The following OTULINL variants were observed in gnomAD, a reference collection of about 807,000 sequenced individuals.
OTULINL encodes OTU deubiquitinase with linear linkage specificity like.
In OTULINL, 42 loss-of-function variants were observed where a neutral mutation model predicts 43.9. The observed-to-expected ratio is 0.96, with a 90% CI of 0.75 to 1.24. The LOEUF is 1.24. OTULINL is among the 50% of genes most tolerant of loss of function. OTULINL has a pLI of 0.00. For missense variants in OTULINL, 411 were observed against 426.4 expected (o/e 0.96, Z 0.32); for synonymous variants, 172 against 153.6 (o/e 1.12, Z -0.88).
intron 1 of OTULINL, among the ~76,000 whole-genome samples, chr5:14,588,559 A>G (rs1241347790): frequency 6.6e-6 from 1 of 152,242 alleles, no homozygotes; most frequent in East Asian, 1.9e-4. Flanking sequence ...AGAGGCTCTT[A>G]GTTAGCATAA....
rs1040320521 is a variant in OTULINL at position 14,614,608 on chromosome 5, C to G, written c.*4294C>G. The G allele has an allele frequency of 7.5e-6, 3 of 398,494 alleles. No individual in the cohort carries two copies. Among genetic ancestry groups the G allele is most frequent in the African/African-American group, 2.1e-5 (1 of 48,624 alleles). The allele number at this position is 398,494 out of a possible 1,614,324, so 24.7% of individuals were successfully genotyped here. A position where few individuals can be genotyped will look rare whatever the true frequency, so the allele number is the denominator to read the frequency against. ...GTTTATAAGTGGACAGAAAAACACT[C>G]ACTCACGTATTCAGCCACGTATGGT... On this transcript the variant is annotated 3_prime_UTR_variant, in exon 8 of 8. Transcript: ENST00000274217.
intron 4 of OTULINL, among the ~76,000 whole-genome samples, chr5:14,601,821 G>T (rs1375917388): frequency 1.3e-5 from 2 of 152,194 alleles, no homozygotes; most frequent in African/African-American, 4.8e-5. Flanking sequence ...ACCAATCTTG[G>T]TAAATATCCC....
Position 14,609,001 on chromosome 5 carries a change from C to G in OTULINL, c.881C>G (p.Thr294Arg), listed in dbSNP as rs750090519. Reference protein sequence around the residue: ...MMNHLNSVGDTCGLEQIDMFI... With the variant: ...MMNHLNSVGDRCGLEQIDMFI... ...AATCACCTGAATTCTGTAGGCGACA[C>G]ATGTGGACTAGAGCAGGTAACCGGG... The change falls in exon 7 of 8, where the codon ACA (threonine) becomes AGA (arginine). Residue 294 changes from threonine (T) to arginine (R), a missense_variant. Physicochemically the swap from Thr to Arg is moderately conservative, Grantham distance 71 (BLOSUM62 -1). Transcript: ENST00000274217. 6.2e-7 allele frequency: 1 copy of G among 1,612,418 alleles called. No homozygotes were observed. Among genetic ancestry groups the G allele is most frequent in the Non-Finnish European group, 8.5e-7 (1 of 1,179,038 alleles).
rs973347312 is a variant in OTULINL, at chr5:14,606,964, C to T, written c.499-366C>T. Among the ~76,000 whole-genome samples the T allele has an allele frequency of 4.6e-5, 7 of 152,304 alleles. No homozygotes were observed. The East Asian group carries it at 1.4e-3, about 29-fold the overall frequency. On this transcript the variant is annotated intron_variant, in intron 5 of 7. Transcript: ENST00000274217. ...TAAGTTTGGGCCGGGTGCTGTGGCTCACACCTGTAATTCCAGCACTTTGGG... is the reference window on the plus strand; with the variant it reads ...TAAGTTTGGGCCGGGTGCTGTGGCTTACACCTGTAATTCCAGCACTTTGGG...
chr5:14,582,857 C>T (rs1204058812), intron 1 of OTULINL, among the ~76,000 whole-genome samples: 1 of 150,260 alleles, frequency 6.7e-6, no homozygotes, highest in Non-Finnish European at 1.5e-5. Context: ...ACAAGGGCAG[C>T]AGCACAGCCT....
chr5:14,610,202 A>G lies in OTULINL; in HGVS notation c.959A>G (p.Lys320Arg). The G allele has an allele frequency of 1.9e-6, 3 of 1,614,116 alleles. No individual in the cohort carries two copies. Among genetic ancestry groups the G allele is most frequent in the Non-Finnish European group, 2.5e-6 (3 of 1,179,956 alleles). ...EVKIKVFRLF[K>R]FNSRDFEVCY... ...AAGATAAAAGTGTTCAGACTGTTCA[A>G]GTTTAACTCCAGAGACTTTGAAGTC... The change falls in exon 8 of 8, where the codon AAG becomes AGG. Residue 320 changes from lysine (K) to arginine (R), a missense_variant. Transcript: ENST00000274217.
rs561369313 is a variant in OTULINL at position 14,588,299 on chromosome 5, T to C, written c.64+6341T>C. 6.6e-5 allele frequency among the ~76,000 whole-genome samples: 10 copies of C among 152,242 alleles called. No individual in the cohort carries two copies. The East Asian group carries it at 1.9e-3, about 29-fold the overall frequency. On this transcript the variant is annotated intron_variant, in intron 1 of 7. Transcript: ENST00000274217. Reference sequence around the variant, plus strand: ...GGGAAATGGCAGTTAATGGCCTGGCTTCCTTATGTTTGCTCACAGGGGAGG... The same window carrying C: ...GGGAAATGGCAGTTAATGGCCTGGCCTCCTTATGTTTGCTCACAGGGGAGG...
In OTULINL at chr5:14,615,243, C is replaced by A. The variant is rs561608536; in HGVS notation, c.*4929C>A. Among the ~76,000 whole-genome samples the A allele has an allele frequency of 6.7e-4, 102 of 152,350 alleles. No individual in the cohort carries two copies. The highest frequency in any genetic ancestry group is 2.3e-3 in the African/African-American group (94 of 41,588). On this transcript the variant is annotated 3_prime_UTR_variant, in exon 8 of 8. Coordinates refer to ENST00000274217, the MANE Select transcript of OTULINL (RefSeq NM_019018.3). Reference sequence around the variant, plus strand: ...CTGGGCCAAACACAAATGGCTGAGACACTCCTGGCCCATTTCTTGTCATCG... The same window carrying A: ...CTGGGCCAAACACAAATGGCTGAGAAACTCCTGGCCCATTTCTTGTCATCG...
At chr5:14,606,791 G>A (rs1007198327) in intron 5 of OTULINL, among the ~76,000 whole-genome samples, 2 of 152,302 alleles carry the variant, frequency 1.3e-5, no homozygotes, top group Non-Finnish European at 2.9e-5. Flanking sequence ...TAACAAAAAA[G>A]ATTGTTTCTA....
Position 14,581,879 on chromosome 5 carries a change from C to G in OTULINL, c.-16C>G. On this transcript the variant is annotated 5_prime_UTR_variant, in exon 1 of 8. Transcript: ENST00000274217. ...CCACGGGCCGAGGCCCAGCGCCCGT[C>G]CGCAGCGCGGCCGGCATGGCGGCGA... 1 of 1,408,506 alleles carries G rather than the reference C, an allele frequency of 7.1e-7. No homozygotes were observed. Among genetic ancestry groups the G allele is most frequent in the Non-Finnish European group, 9.2e-7 (1 of 1,081,476 alleles). The allele number at this position is 1,408,506 out of a possible 1,614,324, so 87.3% of individuals were successfully genotyped here.
At chr5:14,583,331 T>G (rs899420859) in intron 1 of OTULINL, among the ~76,000 whole-genome samples, 1 of 152,188 alleles carries the variant, frequency 6.6e-6, no homozygotes, top group Non-Finnish European at 1.5e-5. Context: ...ATGAACTCAT[T>G]TTTTTCAACC....
intron 6 of OTULINL, 81 bp from the exon 7 acceptor site, chr5:14,608,664 ATTT>A: frequency 9.1e-7 from 1 of 1,103,786 alleles, no homozygotes; most frequent in Non-Finnish European, 1.3e-6. Context: ...TCTTTGGTTT[ATTT>A]TATAAATACA....
intron 1 of OTULINL, among the ~76,000 whole-genome samples, chr5:14,588,392 C>T (rs1220432034): frequency 3.9e-5 from 6 of 152,084 alleles, no homozygotes. Context: ...TCAGTTCCCT[C>T]CTCATTTCAC....
Position 14,608,990 on chromosome 5 carries a change from T to C in OTULINL, c.870T>C (p.Ser290=). 1.2e-6 allele frequency: 2 copies of C among 1,613,632 alleles called. No individual in the cohort carries two copies. The highest frequency in any genetic ancestry group is 1.7e-6 in the Non-Finnish European group (2 of 1,179,716). ...GCTTCATGATGAATCACCTGAATTC[T>C]GTAGGCGACACATGTGGACTAGAGC... ...PLSFMMNHLN[S]VGDTCGLEQI... Residue 290 remains serine (S), a synonymous_variant, in exon 7 of 8, where the codon TCT becomes TCC. Coordinates refer to ENST00000274217, the MANE Select transcript of OTULINL (RefSeq NM_019018.3).
chr5:14,598,819 C>T (rs1361101618), intron 1 of OTULINL, among the ~76,000 whole-genome samples: 2 of 152,108 alleles, frequency 1.3e-5, no homozygotes, highest in African/African-American at 4.8e-5. Context: ...AAAAGATGTC[C>T]AACTTTTATA....
chr5:14,593,152 C>G (rs578242112), intron 1 of OTULINL, among the ~76,000 whole-genome samples: 1 of 152,160 alleles, frequency 6.6e-6, no homozygotes, highest in Admixed American at 6.5e-5. Flanking sequence ...GGAGCTTAAT[C>G]TATGTTCGTA....
chr5:14,604,291 A>G (rs955003592), intron 5 of OTULINL, among the ~76,000 whole-genome samples: 6 of 152,182 alleles, frequency 3.9e-5, no homozygotes, highest in Non-Finnish European at 8.8e-5. Context: ...CTATGATTGC[A>G]CCACTGTACT....
chr5:14,610,471 T>G lies in OTULINL; in HGVS notation c.*157T>G. ...ACTGGATGCAGCCATGCATGGATGG[T>G]TTTTCTTTATTTTTCAGTGATTTCC... On this transcript the variant is annotated 3_prime_UTR_variant, in exon 8 of 8. Transcript: ENST00000274217. 5.8e-6 allele frequency: 4 copies of G among 687,218 alleles called. No individual in the cohort carries two copies. The South Asian group carries it at 8.4e-5, about 14-fold the overall frequency. 42.6% of individuals were successfully genotyped at this position (687,218 alleles called of 1,614,324 possible).
chr5:14,584,734 A>G (rs61087720), intron 1 of OTULINL, among the ~76,000 whole-genome samples: 3,663 of 152,310 alleles, frequency 0.024, 141 homozygotes, highest in African/African-American at 0.084. Flanking sequence ...AAACTTGTAC[A>G]AGGTTACCCA....
Sources: allele counts gnomAD v4.1 joint callset (sites outside exome capture counted in the v4.1 genomes callset), GRCh38; gene constraint gnomAD v4.1.1; transcripts MANE v1.5; gene names NCBI Gene and HGNC (gene_info 2026-07-23, HGNC 2026-07-21).